Variants in TMEM245 observed in about 807,000 individuals in gnomAD.
The protein encoded by TMEM245 is transmembrane protein 245.
Under a neutral mutation model 101.2 loss-of-function variants are expected in TMEM245, and 69 were observed. The ratio of observed to expected loss-of-function variants is 0.68; its 90% CI spans 0.56 to 0.83. The LOEUF is 0.83. Ranked by LOEUF, TMEM245 falls within the 40% of genes least tolerant of loss-of-function variation. The pLI is 0.00. For synonymous variants in TMEM245, 537 were observed against 449.8 expected (o/e 1.19, Z -2.45); for missense variants, 1,075 against 1,092.8 (o/e 0.98, Z 0.23).
intron 1 of TMEM245, among the ~76,000 whole-genome samples, chr9:109,118,975 G>A (rs959715307): frequency 5.3e-5 from 8 of 152,138 alleles, no homozygotes; most frequent in Non-Finnish European, 5.9e-5. Context: ...ACTGAGGGTG[G>A]CCGAAGCACC....
chr9:109,107,325 G>C (rs1830455077), intron 2 of TMEM245, among the ~76,000 whole-genome samples: 1 of 151,510 alleles, frequency 6.6e-6, no homozygotes. Context: ...CTTGAACCCA[G>C]GAGGTGGAGG....
chr9:109,110,327 A>G (rs562156945), intron 1 of TMEM245, among the ~76,000 whole-genome samples: 57 of 152,270 alleles, frequency 3.7e-4, no homozygotes, highest in African/African-American at 1.2e-3. Context: ...AAATAATATT[A>G]TTATGATCCT....
intron 17 of TMEM245, among the ~76,000 whole-genome samples, chr9:109,030,333 A>G (rs1011728392): frequency 6.6e-6 from 1 of 151,492 alleles, no homozygotes; most frequent in East Asian, 1.9e-4. Context: ...CAAAGGCTAT[A>G]TGGGTCCTCA....
intron 11 of TMEM245, among the ~76,000 whole-genome samples, chr9:109,058,141 C>G (rs944672878): frequency 1.3e-5 from 2 of 151,260 alleles, no homozygotes; most frequent in African/African-American, 4.9e-5. Flanking sequence ...GCTGTGACTA[C>G]GGGCGCCTGC....
chr9:109,119,575 G>GTTT lies in TMEM245; in HGVS notation c.338_339insAAA (p.His113delinsGlnAsn). 1 of 1,544,618 alleles carries GTTT rather than the reference G, an allele frequency of 6.5e-7. No individual in the cohort carries two copies. ...CCAGGACGATGGGCGTGTGCGCGCG[G>GTTT]TGCAGGCGCTGCAGCCAGTGGCGGC... On this transcript the variant is annotated protein_altering_variant, in exon 1 of 18. Transcript: ENST00000374586.
intron 7 of TMEM245, among the ~76,000 whole-genome samples, chr9:109,085,628 CAG>C (rs762843478): frequency 6.6e-6 from 1 of 152,170 alleles, no homozygotes; most frequent in Non-Finnish European, 1.5e-5. Context: ...AAGTATCAAA[CAG>C]AGAGTTCTCT....
At chr9:109,066,452 CAA>C (rs386415818) in intron 9 of TMEM245, among the ~76,000 whole-genome samples, 96 of 52,456 alleles carry the variant, frequency 1.8e-3, no homozygotes, top group African/African-American at 9.1e-3. Flanking sequence ...AAGACTGTCT[CAA>C]AAAAAAAAAA....
At chr9:109,028,710 C>G (rs1208324391) in intron 17 of TMEM245, among the ~76,000 whole-genome samples, 1 of 151,946 alleles carries the variant, frequency 6.6e-6, no homozygotes, top group East Asian at 1.9e-4. Context: ...GGTCAGAGAC[C>G]AAAGTTAGAA....
chr9:109,054,726 A>G (rs1828783250), intron 12 of TMEM245, among the ~76,000 whole-genome samples: 1 of 152,248 alleles, frequency 6.6e-6, no homozygotes, highest in African/African-American at 2.4e-5. Flanking sequence ...ACAACATTAT[A>G]TAAAAAGTCT....
intron 8 of TMEM245, among the ~76,000 whole-genome samples, chr9:109,079,973 G>T (rs1829621792): frequency 6.6e-6 from 1 of 152,102 alleles, no homozygotes; most frequent in Non-Finnish European, 1.5e-5. Context: ...ATTTTTAGAA[G>T]CAAATAAGAT....
intron 10 of TMEM245, among the ~76,000 whole-genome samples, chr9:109,063,651 T>G (rs1829081483): frequency 6.6e-6 from 1 of 152,140 alleles, no homozygotes; most frequent in Non-Finnish European, 1.5e-5. Context: ...CCCAAATCCA[T>G]ATGGTGGAAT....
At chr9:109,119,170 G>A (rs575224146) in intron 1 of TMEM245, among the ~76,000 whole-genome samples, 165 bp downstream of exon 1, 1 of 152,328 alleles carries the variant, frequency 6.6e-6, no homozygotes, top group East Asian at 1.9e-4. Context: ...TTGGAAGAAT[G>A]TCCGCCAAAT....
At chr9:109,028,929 A>G (rs1827869403) in intron 17 of TMEM245, among the ~76,000 whole-genome samples, 1 of 152,234 alleles carries the variant, frequency 6.6e-6, no homozygotes, top group African/African-American at 2.4e-5. Flanking sequence ...CAGAGGACCC[A>G]ACCAAGTTTT....
rs1166768341 is a variant in TMEM245, at chr9:109,020,492, T to C, written c.2608A>G (p.Ile870Val). 5.0e-6 allele frequency: 8 copies of C among 1,613,972 alleles called. No homozygotes were observed. The highest frequency in any genetic ancestry group is 1.3e-5 in the African/African-American group (1 of 74,914). ...PAQPQRTFRD[I>V]SEDLKSSVG ...ACTGAAGATTTCAGATCTTCAGAAATGTCACGGAAAGTCCTAAAAGAAAAA... is the reference window on the plus strand; with the variant it reads ...ACTGAAGATTTCAGATCTTCAGAAACGTCACGGAAAGTCCTAAAAGAAAAA... Residue 870 changes from isoleucine to valine, a missense_variant, in exon 18 of 18, where the codon ATT becomes GTT. Ile to Val is a conservative substitution (Grantham distance 29). Coordinates refer to ENST00000374586, the MANE Select transcript of TMEM245 (RefSeq NM_032012.4).
chr9:109,057,174 T>C lies in TMEM245; in HGVS notation c.1854+17A>G, dbSNP rs559483662. The C allele has an allele frequency of 1.6e-5, 25 of 1,608,622 alleles. No individual in the cohort carries two copies. Among genetic ancestry groups the C allele is most frequent in the East Asian group, 2.2e-5 (1 of 44,782 alleles). On this transcript the variant is annotated intron_variant, in intron 12 of 17. Coordinates refer to ENST00000374586, the MANE Select transcript of TMEM245 (RefSeq NM_032012.4). ...TTTATTTTGAACTTCAGCTTAACTATAAATGCTATTTCTTACCGAAAGAAA... is the reference window on the plus strand; with the variant it reads ...TTTATTTTGAACTTCAGCTTAACTACAAATGCTATTTCTTACCGAAAGAAA...
At chr9:109,066,810 C>T (rs1588047530) in intron 9 of TMEM245, among the ~76,000 whole-genome samples, 1 of 152,138 alleles carries the variant, frequency 6.6e-6, no homozygotes, top group East Asian at 1.9e-4. Flanking sequence ...AATCCCAGCA[C>T]TTTGAGAGGC....
At chr9:109,046,460 T>G (rs1002873126) in intron 14 of TMEM245, among the ~76,000 whole-genome samples, 1 of 152,166 alleles carries the variant, frequency 6.6e-6, no homozygotes, top group Non-Finnish European at 1.5e-5. Context: ...TGTATTCAAC[T>G]GAGAAGAATA....
At chr9:109,074,852 G>A (rs920226136) in intron 8 of TMEM245, among the ~76,000 whole-genome samples, 1 of 152,080 alleles carries the variant, frequency 6.6e-6, no homozygotes, top group Non-Finnish European at 1.5e-5. Flanking sequence ...AATACAAACT[G>A]CACCAAGACG....
In TMEM245 at chr9:109,056,614, CA is replaced by C. The variant is rs541500681; in HGVS notation, c.1854+576del. ...CTAGGCAACAGAATGAACTCCGTCT[CA>C]AAAAAAAATTAATTAATTTTAAAAA... On this transcript the variant is annotated intron_variant, in intron 12 of 17. Transcript: ENST00000374586. Among the ~76,000 whole-genome samples the C allele has an allele frequency of 2.1e-3, 315 of 151,088 alleles. 1 individual carries two copies. The highest frequency in any genetic ancestry group is 6.8e-3 in the Middle Eastern group (2 of 294).
Sources: gnomAD v4.1 joint callset for allele counts (sites outside exome capture counted in the v4.1 genomes callset) on GRCh38, gnomAD v4.1.1 for gene constraint, MANE v1.5 for transcripts, NCBI Gene and HGNC (gene_info 2026-07-23, HGNC 2026-07-21) for gene names.